CACHD1: variants seen among roughly 807,000 people sequenced by gnomAD.
The protein encoded by CACHD1 is cache domain containing 1.
CACHD1 carries 71 observed loss-of-function variants against 138.7 expected under a neutral mutation model. The ratio of observed to expected loss-of-function variants is 0.51; its 90% CI spans 0.42 to 0.62. CACHD1 has a LOEUF of 0.62. Among genes scored for constraint, CACHD1 ranks in the 20% least tolerant of loss-of-function variants. The pLI, the probability that CACHD1 is intolerant of heterozygous loss-of-function variation, is 0.00. For missense variants in CACHD1, 1,389 were observed against 1,625.3 expected, an observed-to-expected ratio of 0.85 and a Z score of 2.50; for synonymous variants, 578 against 591.5, an observed-to-expected ratio of 0.98 and a Z score of 0.33.
intron 2 of CACHD1, among the ~76,000 whole-genome samples, chr1:64,554,610 A>C (rs1010224258): frequency 2.0e-5 from 3 of 152,238 alleles, no homozygotes; most frequent in African/African-American, 7.2e-5. Context: ...ATTACTAATG[A>C]AGTTGAAACA....
At chr1:64,509,106 CT>C (rs915923063) in intron 1 of CACHD1, among the ~76,000 whole-genome samples, 1 of 152,138 alleles carries the variant, frequency 6.6e-6, no homozygotes, top group South Asian at 2.1e-4. Flanking sequence ...TTCATACTCT[CT>C]TTTTTTCTCT....
chr1:64,597,518 T>TG (rs149483369), intron 3 of CACHD1, among the ~76,000 whole-genome samples: 11,719 of 131,312 alleles, frequency 0.089, 639 homozygotes, highest in Admixed American at 0.17. Context: ...AAGTTTTTTT[T>TG]TTGTTGTTTT....
At chr1:64,478,768 A>T (rs1646191547) in intron 1 of CACHD1, among the ~76,000 whole-genome samples, 1 of 152,166 alleles carries the variant, frequency 6.6e-6, no homozygotes, top group Admixed American at 6.5e-5. Flanking sequence ...AATGAAGTGG[A>T]CCAGGTGTAG....
rs1181861115 is a variant in CACHD1 at position 64,505,541 on chromosome 1, GCGCCC to G, written c.198+34611_198+34615del. 2.6e-4 allele frequency among the ~76,000 whole-genome samples: 21 copies of G among 81,806 alleles called. No homozygotes were observed. The Admixed American group carries it at 3.0e-3, about 12-fold the overall frequency. The allele number at this position is 81,806 out of a possible 152,430, so 53.7% of individuals were successfully genotyped here. A position where few individuals can be genotyped will look rare whatever the true frequency, so the allele number is the denominator to read the frequency against. On this transcript the variant is annotated intron_variant, in intron 1 of 26. Coordinates refer to ENST00000651257, the MANE Select transcript of CACHD1 (RefSeq NM_020925.4). ...GAAGGGACCTCCCCGCCCCCGGGCC[GCGCCC>G]CGCCCCGCCCCCTCCTCTGGGGCAC...
At chr1:64,589,149 C>T (rs1647076821) in intron 3 of CACHD1, among the ~76,000 whole-genome samples, 1 of 152,152 alleles carries the variant, frequency 6.6e-6, no homozygotes, top group African/African-American at 2.4e-5. Flanking sequence ...GAACCATTGT[C>T]AAATTGGATT....
In CACHD1 at chr1:64,629,398, A is replaced by G. The variant is rs373818883; in HGVS notation, c.561A>G (p.Gln187=). 5 of 1,613,986 alleles carry G rather than the reference A, an allele frequency of 3.1e-6. No individual in the cohort carries two copies. Among genetic ancestry groups the G allele is most frequent in the Non-Finnish European group, 3.4e-6 (4 of 1,179,992 alleles). The change falls in exon 5 of 27, where the codon CAA becomes CAG. Residue 187 remains glutamine (Q), a synonymous_variant. Coordinates refer to ENST00000651257, the MANE Select transcript of CACHD1 (RefSeq NM_020925.4). ...AATCCAACCCTGGAATTAAGTGGCA[A>G]TATTTCAGTTCAGAAGAAGGAATTT... is the stretch of plus-strand genomic sequence containing the variant. The part of the protein sequence containing the change: ...NLKSNPGIKW[Q]YFSSEEGIFT...
chr1:64,633,982 A>G, intron 6 of CACHD1, 62 bp from the exon 7 acceptor site: 1 of 1,352,566 alleles, frequency 7.4e-7, no homozygotes, highest in Non-Finnish European at 1.0e-6. Flanking sequence ...TACATAAATA[A>G]ATAAATCTTT....
At chr1:64,569,619 G>A (rs552049113) in intron 2 of CACHD1, among the ~76,000 whole-genome samples, 3 of 152,294 alleles carry the variant, frequency 2.0e-5, no homozygotes, top group South Asian at 2.1e-4. Flanking sequence ...ACTCTGGTGT[G>A]CCTCTCTCTG....
intron 1 of CACHD1, among the ~76,000 whole-genome samples, chr1:64,514,954 T>A (rs1646448258): frequency 6.6e-6 from 1 of 152,192 alleles, no homozygotes; most frequent in Admixed American, 6.5e-5. Flanking sequence ...GTTCCGGAGC[T>A]CATATTTGCC....
intron 3 of CACHD1, among the ~76,000 whole-genome samples, chr1:64,588,098 C>G (rs933627821): frequency 3.3e-5 from 5 of 152,108 alleles, no homozygotes; most frequent in Non-Finnish European, 7.4e-5. Context: ...TATACCCAAC[C>G]TATTTTCCTG....
chr1:64,562,831 G>A (rs1015122032), intron 2 of CACHD1, among the ~76,000 whole-genome samples: 7 of 151,828 alleles, frequency 4.6e-5, no homozygotes, highest in South Asian at 2.1e-4. Flanking sequence ...TTAACATTTC[G>A]TCTGCTCATT....
rs1329393078 is a variant in CACHD1, at chr1:64,579,124, G to GT, written c.262-3032_262-3031insT. ...AATCTGCCATTGTAAAATGAAAGCA[G>GT]CCGTAAACAATATGTAAACAAATGA... On this transcript the variant is annotated intron_variant, in intron 2 of 26. Transcript: ENST00000651257. Among the ~76,000 whole-genome samples, 22 of 152,280 alleles carry GT rather than the reference G, an allele frequency of 1.4e-4. No homozygotes were observed. In the East Asian group the frequency reaches 4.1e-3, roughly 28 times the overall value.
rs368862403 is a variant in CACHD1, at chr1:64,532,691, T to TG, written c.199-17899dup. Among the ~76,000 whole-genome samples, 435 of 152,200 alleles carry TG rather than the reference T, an allele frequency of 2.9e-3. 5 individuals carry two copies. Among genetic ancestry groups the TG allele is most frequent in the African/African-American group, 0.01 (423 of 41,526 alleles). The stretch of plus-strand genomic sequence containing the variant: ...AAGACTTTGGAACCAAGATAGGACT[T>TG]GGGGTTTTACTGTGAATTCATTGGT... On this transcript the variant is annotated intron_variant, in intron 1 of 26. Coordinates refer to ENST00000651257, the MANE Select transcript of CACHD1 (RefSeq NM_020925.4).
chr1:64,473,036 A>G (rs1453361960), intron 1 of CACHD1, among the ~76,000 whole-genome samples: 2 of 152,186 alleles, frequency 1.3e-5, no homozygotes, highest in Non-Finnish European at 2.9e-5. Context: ...GTTGAAAAAG[A>G]CACTTCGAAA....
chr1:64,622,833 G>C (rs1242855726), intron 4 of CACHD1, among the ~76,000 whole-genome samples: 2 of 152,122 alleles, frequency 1.3e-5, no homozygotes, highest in African/African-American at 4.8e-5. Flanking sequence ...CATTTTCACT[G>C]TTTTATTAAA....
intron 7 of CACHD1, among the ~76,000 whole-genome samples, chr1:64,639,154 A>G (rs1648617820): frequency 6.6e-6 from 1 of 152,334 alleles, no homozygotes; most frequent in Non-Finnish European, 1.5e-5. Context: ...AGGTCACCCT[A>G]GATGTGTCCA....
intron 1 of CACHD1, among the ~76,000 whole-genome samples, chr1:64,543,398 A>ATACATATATAT (rs1207530916): frequency 7.5e-5 from 4 of 53,074 alleles, no homozygotes; most frequent in African/African-American, 3.2e-4. Flanking sequence ...TCTAAAAAAA[A>ATACATATATAT]ATACATATAT....
intron 2 of CACHD1, among the ~76,000 whole-genome samples, chr1:64,555,864 T>C (rs1646793308): frequency 6.6e-6 from 1 of 152,266 alleles, no homozygotes. Context: ...TCAAACAATC[T>C]GTACTTTCTT....
intron 4 of CACHD1, among the ~76,000 whole-genome samples, chr1:64,604,199 G>C (rs756028826): frequency 6.6e-6 from 1 of 152,172 alleles, no homozygotes; most frequent in Non-Finnish European, 1.5e-5. Flanking sequence ...GCTGTAAGTT[G>C]CATGTTTCTT....
Sources: allele counts gnomAD v4.1 joint callset (sites outside exome capture counted in the v4.1 genomes callset), GRCh38; gene constraint gnomAD v4.1.1; transcripts MANE v1.5; gene names NCBI Gene and HGNC (gene_info 2026-07-23, HGNC 2026-07-21).